The following HCN1 variants were observed in gnomAD, a reference collection of about 807,000 sequenced individuals.
HCN1 encodes potassium/sodium hyperpolarization-activated cyclic nucleotide-gated channel 1.
HCN1 carries 13 observed loss-of-function variants against 78.9 expected under a neutral mutation model. The observed-to-expected ratio is 0.16, with a 90% CI of 0.11 to 0.26. The LOEUF (loss-of-function observed/expected upper bound fraction) is 0.26, where lower values mean the gene tolerates loss of function less well. Ranked by LOEUF, HCN1 falls within the 10% of genes least tolerant of loss-of-function variation. The pLI, the probability that HCN1 is intolerant of heterozygous loss-of-function variation, is 1.00. For missense variants in HCN1, 810 were observed against 1,154.3 expected (o/e 0.70, Z 4.32); for synonymous variants, 552 against 455.5 (o/e 1.21, Z -2.70).
At chr5:45,277,343 G>T (rs922596667) in intron 6 of HCN1, among the ~76,000 whole-genome samples, 3 of 152,018 alleles carry the variant, frequency 2.0e-5, no homozygotes, top group Admixed American at 2.0e-4. Flanking sequence ...TTGGGGAATT[G>T]ATTGATCTAA....
intron 3 of HCN1, among the ~76,000 whole-genome samples, chr5:45,452,319 GT>G (rs898985276): frequency 2.3e-4 from 31 of 137,406 alleles, no homozygotes; most frequent in South Asian, 7.1e-4. Context: ...AGGGTATTTA[GT>G]TTTTTTTTTT....
chr5:45,435,642 T>C (rs915307858), intron 3 of HCN1, among the ~76,000 whole-genome samples: 2 of 152,106 alleles, frequency 1.3e-5, no homozygotes, highest in African/African-American at 4.8e-5. Flanking sequence ...CATAACACTT[T>C]ATGAGATGGG....
chr5:45,333,945 C>T (rs781092351), intron 5 of HCN1, among the ~76,000 whole-genome samples: 10 of 151,738 alleles, frequency 6.6e-5, no homozygotes, highest in East Asian at 1.9e-4. Context: ...ATCTTAATTA[C>T]GTTAATGCAT....
intron 5 of HCN1, among the ~76,000 whole-genome samples, chr5:45,334,692 A>G (rs190107719): frequency 6.6e-6 from 1 of 152,100 alleles, no homozygotes; most frequent in Non-Finnish European, 1.5e-5. Context: ...TAGAATGCAG[A>G]GATGCATGGA....
intron 2 of HCN1, among the ~76,000 whole-genome samples, chr5:45,492,229 G>T (rs1246661197): frequency 1.3e-5 from 2 of 151,206 alleles, no homozygotes; most frequent in Non-Finnish European, 2.9e-5. Flanking sequence ...CACTAGAGAT[G>T]CACTAGAGGC....
chr5:45,569,677 T>C (rs1459671772), intron 2 of HCN1, among the ~76,000 whole-genome samples: 2 of 152,102 alleles, frequency 1.3e-5, no homozygotes, highest in Non-Finnish European at 2.9e-5. Flanking sequence ...TATCTGTTTT[T>C]ACAAAATTCA....
chr5:45,260,460 G>C lies in HCN1; in HGVS notation c.*1461C>G, dbSNP rs1744709307. ...ACGTTCAACTTTACCCCTGCTTTCT[G>C]TCACCATGTCTGTACTATTTTCAAC... is the stretch of plus-strand genomic sequence containing the variant. On this transcript the variant is annotated 3_prime_UTR_variant, in exon 8 of 8. Coordinates refer to ENST00000303230, the MANE Select transcript of HCN1 (RefSeq NM_021072.4). 6.6e-6 allele frequency: 1 copy of C among 152,166 alleles called. No individual in the cohort carries two copies. The highest frequency in any genetic ancestry group is 6.5e-5 in the Admixed American group (1 of 15,276). 9.4% of individuals were successfully genotyped at this position (152,166 alleles called of 1,614,324 possible). A position where few individuals can be genotyped will look rare whatever the true frequency, so the allele number is the denominator to read the frequency against.
At chr5:45,352,329 A>G (rs565512990) in intron 5 of HCN1, among the ~76,000 whole-genome samples, 38 of 151,816 alleles carry the variant, frequency 2.5e-4, no homozygotes, top group Middle Eastern at 3.4e-3. Flanking sequence ...GAACAATGAG[A>G]ACACATGGAC....
At chr5:45,450,752 G>T (rs1382403732) in intron 3 of HCN1, among the ~76,000 whole-genome samples, 2 of 152,102 alleles carry the variant, frequency 1.3e-5, no homozygotes, top group Non-Finnish European at 2.9e-5. Context: ...AGAAATAAAA[G>T]ATCTTAATAA....
chr5:45,659,600 A>G (rs1745874908), intron 1 of HCN1, among the ~76,000 whole-genome samples: 1 of 146,760 alleles, frequency 6.8e-6, no homozygotes, highest in South Asian at 2.2e-4. Flanking sequence ...AATACAGAGA[A>G]GTGCTTAAAG....
At chr5:45,300,859 T>A (rs1429330231) in intron 6 of HCN1, among the ~76,000 whole-genome samples, 1 of 152,210 alleles carries the variant, frequency 6.6e-6, no homozygotes. Context: ...CTAATCTGCT[T>A]TTTTCTTAGA....
At chr5:45,476,389 G>GT (rs781527311) in intron 2 of HCN1, among the ~76,000 whole-genome samples, 2 of 152,160 alleles carry the variant, frequency 1.3e-5, no homozygotes, top group Non-Finnish European at 2.9e-5. Flanking sequence ...CTCCAGAACT[G>GT]TAAGAAATCA....
chr5:45,322,004 T>C, intron 5 of HCN1, among the ~76,000 whole-genome samples: 1 of 151,826 alleles, frequency 6.6e-6, no homozygotes, highest in East Asian at 1.9e-4. Context: ...AAAAGGTAAA[T>C]ATGGAAGAAA....
intron 3 of HCN1, among the ~76,000 whole-genome samples, chr5:45,408,258 C>T (rs572486205): frequency 6.6e-6 from 1 of 152,180 alleles, no homozygotes; most frequent in East Asian, 1.9e-4. Context: ...TGTCCTAGGC[C>T]TTCACGTTGC....
chr5:45,361,856 T>C (rs1358897253), intron 4 of HCN1, among the ~76,000 whole-genome samples: 1 of 152,126 alleles, frequency 6.6e-6, no homozygotes, highest in Admixed American at 6.6e-5. Context: ...TTGTTTAAGA[T>C]TTAACTAAGC....
chr5:45,498,452 C>G (rs910914754), intron 2 of HCN1, among the ~76,000 whole-genome samples: 4 of 152,124 alleles, frequency 2.6e-5, no homozygotes, highest in Non-Finnish European at 5.9e-5. Flanking sequence ...CCTTTAAGCA[C>G]TTCTCTGTAT....
intron 6 of HCN1, among the ~76,000 whole-genome samples, chr5:45,296,858 C>A (rs2111893968): frequency 6.6e-6 from 1 of 152,076 alleles, no homozygotes; most frequent in Admixed American, 6.6e-5. Context: ...TGCAGTGGAG[C>A]AATTCCTGGA....
In HCN1 at chr5:45,692,884, G is replaced by A. The variant is rs182974064; in HGVS notation, c.425+2785C>T. Among the ~76,000 whole-genome samples, 3 of 152,248 alleles carry A rather than the reference G, an allele frequency of 2.0e-5. No homozygotes were observed. In the East Asian group the frequency reaches 5.8e-4, roughly 29 times the overall value. On this transcript the variant is annotated intron_variant, in intron 1 of 7. Coordinates refer to ENST00000303230, the MANE Select transcript of HCN1 (RefSeq NM_021072.4). Reference sequence around the variant, plus strand: ...GAACATAGTAAACTTCTCTGGCCATGTAAAGGTTTATTAAAAGTGTCAAGG... The same window carrying A: ...GAACATAGTAAACTTCTCTGGCCATATAAAGGTTTATTAAAAGTGTCAAGG...
intron 5 of HCN1, among the ~76,000 whole-genome samples, chr5:45,318,897 T>C (rs900577702): frequency 2.6e-5 from 4 of 152,024 alleles, no homozygotes; most frequent in African/African-American, 9.7e-5. Flanking sequence ...TTTCTATCAC[T>C]ACAGAGCAGG....
Sources: gnomAD v4.1 joint callset for allele counts (sites outside exome capture counted in the v4.1 genomes callset) on GRCh38, gnomAD v4.1.1 for gene constraint, MANE v1.5 for transcripts, NCBI Gene and HGNC (gene_info 2026-07-23, HGNC 2026-07-21) for gene names.